ZFHX3: variants seen among roughly 807,000 people sequenced by gnomAD.
The protein encoded by ZFHX3 is zinc finger homeobox 3.
ZFHX3 carries 42 observed loss-of-function variants against 279.1 expected under a neutral mutation model. The ratio of observed to expected loss-of-function variants is 0.15; its 90% CI spans 0.12 to 0.19. The LOEUF (loss-of-function observed/expected upper bound fraction) is 0.19. Among genes scored for constraint, ZFHX3 ranks in the 10% least tolerant of loss-of-function variants. The probability of loss-of-function intolerance (pLI) is 1.00; values close to 1 mark genes in which losing one functional copy is unlikely to be tolerated. For missense variants in ZFHX3, 4,981 were observed against 4,754.0 expected (o/e 1.05, Z -1.40); for synonymous variants, 2,293 against 1,957.8 (o/e 1.17, Z -4.52).
chr16:73,172,450 C>G (rs1231892452), intron 5 of ZFHX3, among the ~76,000 whole-genome samples: 1 of 152,204 alleles, frequency 6.6e-6, no homozygotes. Context: ...TATTTATAGC[C>G]GTGTGAGACT....
At chr16:73,045,537 G>A (rs888488713) in intron 1 of ZFHX3, among the ~76,000 whole-genome samples, 1 of 152,002 alleles carries the variant, frequency 6.6e-6, no homozygotes, top group Non-Finnish European at 1.5e-5. Flanking sequence ...CGTTTTAGAT[G>A]GGCCTTTCCA....
At chr16:73,496,395 G>T (rs1441757918) in intron 2 of ZFHX3, among the ~76,000 whole-genome samples, 1 of 152,176 alleles carries the variant, frequency 6.6e-6, no homozygotes, top group Non-Finnish European at 1.5e-5. Context: ...GCAAGGCATG[G>T]TGGTGCGTGC....
intron 2 of ZFHX3, among the ~76,000 whole-genome samples, chr16:73,644,081 C>T (rs1027131665): frequency 1.3e-5 from 2 of 152,112 alleles, no homozygotes; most frequent in African/African-American, 4.8e-5. Flanking sequence ...CATCCACCCA[C>T]CACAAACAAC....
At chr16:73,474,393 C>A (rs1358961479) in intron 2 of ZFHX3, among the ~76,000 whole-genome samples, 2 of 152,208 alleles carry the variant, frequency 1.3e-5, no homozygotes, top group Non-Finnish European at 2.9e-5. Context: ...AGGTGATCCA[C>A]CCACCTTGGC....
Position 72,794,999 on chromosome 16 carries a change from G to A in ZFHX3, c.7683C>T (p.Ile2561=), listed in dbSNP as rs1264511822. The A allele has an allele frequency of 1.5e-5, 24 of 1,614,192 alleles. No homozygotes were observed. The highest frequency in any genetic ancestry group is 1.9e-5 in the Non-Finnish European group (23 of 1,180,044). Residue 2561 remains isoleucine (I), a synonymous_variant, in exon 9 of 10, where the codon ATC becomes ATT. Coordinates refer to ENST00000268489, the MANE Select transcript of ZFHX3 (RefSeq NM_006885.4). This position sits in a 1 kb window ranked among gnomAD's most constrained non-coding sequence, Gnocchi z 4.2. ...GGGACCTGTCCAAAAACTGGGGGTG[G>A]ATGAACTGGTTCTGCGCGCTCAGGA... ...LHFLSAQNQF[I]HPQFLDRSLD... is the part of the protein sequence containing the mutation.
chr16:73,146,539 G>A (rs899082944), intron 5 of ZFHX3, among the ~76,000 whole-genome samples: 3 of 152,168 alleles, frequency 2.0e-5, no homozygotes, highest in Non-Finnish European at 4.4e-5. Context: ...TAGAAAGCAT[G>A]AATGGGAGAA....
chr16:72,828,523 A>G (rs1306598721), intron 5 of ZFHX3, among the ~76,000 whole-genome samples: 3 of 152,122 alleles, frequency 2.0e-5, no homozygotes, highest in African/African-American at 4.8e-5. Flanking sequence ...GCTTTGGGTA[A>G]GATGTCCCCC....
At chr16:73,488,833 G>A (rs368384606) in intron 2 of ZFHX3, among the ~76,000 whole-genome samples, 29 of 152,236 alleles carry the variant, frequency 1.9e-4, no homozygotes, top group African/African-American at 5.3e-4. Context: ...GATGAAGAGC[G>A]TTTGTTCTAG....
At chr16:72,835,993 G>A (rs1175480364) in intron 4 of ZFHX3, among the ~76,000 whole-genome samples, 1 of 152,128 alleles carries the variant, frequency 6.6e-6, no homozygotes, top group African/African-American at 2.4e-5. Context: ...CTAAGGCCTA[G>A]ACCACTTATT....
chr16:73,437,834 C>T (rs938033928), intron 3 of ZFHX3, among the ~76,000 whole-genome samples: 1 of 152,118 alleles, frequency 6.6e-6, no homozygotes, highest in Non-Finnish European at 1.5e-5. Flanking sequence ...GCAAAGTTTC[C>T]CCATTATGCA....
chr16:73,279,458 A>G (rs1485033329), intron 4 of ZFHX3, among the ~76,000 whole-genome samples: 1 of 151,942 alleles, frequency 6.6e-6, no homozygotes, highest in African/African-American at 2.4e-5. Flanking sequence ...TCAAGGGAAC[A>G]TTGCATTTTT....
chr16:73,087,621 C>A (rs1966024105), intron 8 of ZFHX3, among the ~76,000 whole-genome samples: 1 of 152,112 alleles, frequency 6.6e-6, no homozygotes, highest in Non-Finnish European at 1.5e-5. Flanking sequence ...CAAGAATCCC[C>A]TGGGACTCTA....
chr16:72,866,287 C>T (rs765773174), intron 4 of ZFHX3, among the ~76,000 whole-genome samples: 22 of 152,164 alleles, frequency 1.4e-4, no homozygotes, highest in Non-Finnish European at 2.4e-4. Flanking sequence ...TATAATGACA[C>T]TTTATGTACA....
chr16:73,552,556 C>T (rs2020217783), intron 2 of ZFHX3, among the ~76,000 whole-genome samples: 1 of 152,164 alleles, frequency 6.6e-6, no homozygotes, highest in East Asian at 1.9e-4. Context: ...TTTACACTCT[C>T]ATTTTCTCAC....
intron 1 of ZFHX3, among the ~76,000 whole-genome samples, chr16:73,032,591 G>A (rs1964744970): frequency 6.6e-6 from 1 of 152,094 alleles, no homozygotes; most frequent in Admixed American, 6.5e-5. Flanking sequence ...CCCAGAGCGG[G>A]CAGCTTTCCT....
At chr16:73,074,803 C>T (rs1158969666) in intron 8 of ZFHX3, among the ~76,000 whole-genome samples, 17 of 151,376 alleles carry the variant, frequency 1.1e-4, no homozygotes, top group African/African-American at 3.9e-4. Flanking sequence ...TTTTCTTTTC[C>T]TTTTCTTTTT....
chr16:73,477,222 A>G (rs2018780189), intron 2 of ZFHX3, among the ~76,000 whole-genome samples: 1 of 152,230 alleles, frequency 6.6e-6, no homozygotes, highest in Admixed American at 6.5e-5. Context: ...TTAAAATTAA[A>G]TGCTGATATT....
At chr16:72,809,228 G>C (rs2036364285) in intron 7 of ZFHX3, 1 of 152,130 alleles carries the variant, frequency 6.6e-6, no homozygotes, top group African/African-American at 2.4e-5. Context: ...ATTACTATAG[G>C]CCCACAGTCC....
In ZFHX3 at chr16:73,341,288, C is replaced by T. The variant is rs557897508; in HGVS notation, c.-1290-22952G>A. Reference sequence around the variant, plus strand: ...CCTGGGAGGCAGAGGTTGCAGTGAGCTGAGGTCGCAACACTGTACTCCAGC... The same window carrying T: ...CCTGGGAGGCAGAGGTTGCAGTGAGTTGAGGTCGCAACACTGTACTCCAGC... On this transcript the variant is annotated intron_variant, in intron 3 of 17. Transcript: ENST00000641206. Among the ~76,000 whole-genome samples, 9 of 152,230 alleles carry T rather than the reference C, an allele frequency of 5.9e-5. No homozygotes were observed. In the East Asian group the frequency reaches 1.5e-3, roughly 26 times the overall value.
Sources: allele counts gnomAD v4.1 joint callset (sites outside exome capture counted in the v4.1 genomes callset), GRCh38; gene constraint gnomAD v4.1.1; non-coding constraint Gnocchi (gnomAD v3.1); transcripts MANE v1.5; gene names NCBI Gene and HGNC (gene_info 2026-07-23, HGNC 2026-07-21).